Variants in CACNA1D observed in about 807,000 individuals in gnomAD.
CACNA1D encodes the protein voltage-dependent L-type calcium channel subunit alpha-1D.
In CACNA1D, 55 loss-of-function variants were observed where a neutral mutation model predicts 257.1. That is an observed-to-expected ratio of 0.21 (90% confidence interval 0.17 to 0.27). The LOEUF is 0.27. CACNA1D is among the 10% of genes least tolerant of loss of function. CACNA1D has a pLI of 1.00. For synonymous variants in CACNA1D, 980 were observed against 1,014.9 expected, an observed-to-expected ratio of 0.97 and a Z score of 0.65; for missense variants, 1,876 against 2,784.0, an observed-to-expected ratio of 0.67 and a Z score of 7.34.
chr3:53,746,916 T>C (rs1186474423), intron 25 of CACNA1D, among the ~76,000 whole-genome samples: 2 of 152,182 alleles, frequency 1.3e-5, no homozygotes, highest in East Asian at 3.8e-4. Flanking sequence ...AGGAAGAGTA[T>C]ACGTGGGTTC....
At chr3:53,571,658 A>G (rs2092946735) in intron 3 of CACNA1D, among the ~76,000 whole-genome samples, 2 of 152,202 alleles carry the variant, frequency 1.3e-5, no homozygotes, top group East Asian at 3.9e-4. Flanking sequence ...TGACAGCCAC[A>G]GTTCTCCATA....
At chr3:53,739,543 A>G (rs2095094049) in intron 20 of CACNA1D, among the ~76,000 whole-genome samples, 1 of 152,188 alleles carries the variant, frequency 6.6e-6, no homozygotes, top group Non-Finnish European at 1.5e-5. Context: ...ATTGTCACCA[A>G]TGAGGATAGA....
intron 40 of CACNA1D, chr3:53,791,171 C>A: frequency 1.6e-6 from 1 of 619,212 alleles, no homozygotes; most frequent in Non-Finnish European, 2.9e-6. Context: ...CCAAGCAAAG[C>A]ACTCCTCCGG....
chr3:53,504,511 A>T (rs1238567767), intron 3 of CACNA1D, among the ~76,000 whole-genome samples: 1 of 152,058 alleles, frequency 6.6e-6, no homozygotes, highest in African/African-American at 2.4e-5. Flanking sequence ...TTATTTTTTT[A>T]AAAATATAAA....
At chr3:53,734,580 A>T (rs773715336) in intron 19 of CACNA1D, among the ~76,000 whole-genome samples, 2 of 152,160 alleles carry the variant, frequency 1.3e-5, no homozygotes, top group East Asian at 3.9e-4. Context: ...CGCAGGGCAC[A>T]TTGAGGACAG....
In CACNA1D at chr3:53,800,499, C is replaced by T. The variant is rs1050832216; in HGVS notation, c.5040+134C>T. On this transcript the variant is annotated intron_variant, in intron 41 of 47. Coordinates refer to ENST00000350061, the MANE Select transcript of CACNA1D (RefSeq NM_001128840.3). The surrounding 1 kb of genome is among the most constrained non-coding windows in gnomAD (Gnocchi z 4.3). ...CCCAGGGCCTAGAGGGGCTTTCAGA[C>T]CACACCCTCCCCCTCTTACAGACCC... The T allele has an allele frequency of 6.6e-6, 5 of 762,568 alleles. No homozygotes were observed. The African/African-American group carries it at 8.5e-5, about 13-fold the overall frequency. The allele number at this position is 762,568 out of a possible 1,614,324, so 47.2% of individuals were successfully genotyped here. A position where few individuals can be genotyped will look rare whatever the true frequency, so the allele number is the denominator to read the frequency against.
Position 53,650,871 on chromosome 3 carries a change from T to C in CACNA1D, c.576T>C (p.Tyr192=), listed in dbSNP as rs765547601. 6.2e-6 allele frequency: 10 copies of C among 1,606,664 alleles called. No individual in the cohort carries two copies. The highest frequency in any genetic ancestry group is 2.2e-5 in the South Asian group (2 of 90,932). The change falls in exon 4 of 48, where the codon TAT becomes TAC. Residue 192 remains tyrosine, a synonymous_variant. Coordinates refer to ENST00000350061, the MANE Select transcript of CACNA1D (RefSeq NM_001128840.3). ...GATTATTGCTACATCCTAATGCTTA[T>C]GTTAGGAATGGATGGAATTTACTGG... ...AYGLLLHPNA[Y]VRNGWNLLDF...
intron 3 of CACNA1D, among the ~76,000 whole-genome samples, chr3:53,627,239 A>G (rs1332414920): frequency 6.6e-6 from 1 of 152,150 alleles, no homozygotes; most frequent in African/African-American, 2.4e-5. Flanking sequence ...TGGTTGCTAG[A>G]GTAACCTTGC....
At chr3:53,809,105 C>CT (rs1439255313) in intron 46 of CACNA1D, 4 of 322,796 alleles carry the variant, frequency 1.2e-5, no homozygotes, top group African/African-American at 8.4e-5. Context: ...GTGGGGGCCA[C>CT]TTGGCTGATT....
chr3:53,628,123 C>T (rs1011507691), intron 3 of CACNA1D, among the ~76,000 whole-genome samples: 2 of 152,136 alleles, frequency 1.3e-5, no homozygotes, highest in African/African-American at 2.4e-5. Context: ...AAGCAGTCAC[C>T]CAACTCTCCT....
intron 4 of CACNA1D, 60 bp downstream of exon 4, chr3:53,650,978 G>GC: frequency 6.9e-7 from 1 of 1,442,452 alleles, no homozygotes; most frequent in South Asian, 1.2e-5. Context: ...GAGGTTGGGG[G>GC]GGGTGGTGGT....
At chr3:53,634,464 A>G (rs1023268047) in intron 3 of CACNA1D, among the ~76,000 whole-genome samples, 1 of 152,022 alleles carries the variant, frequency 6.6e-6, no homozygotes. Flanking sequence ...TTTTGCTGGT[A>G]TTTTCTGAGT....
intron 9 of CACNA1D, among the ~76,000 whole-genome samples, chr3:53,717,351 G>A (rs924559564): frequency 6.6e-6 from 1 of 152,212 alleles, no homozygotes; most frequent in Admixed American, 6.5e-5. Context: ...CCAGGTGGGT[G>A]CAGTGCTGTG....
At chr3:53,576,743 C>T (rs1217789326) in intron 3 of CACNA1D, among the ~76,000 whole-genome samples, 3 of 152,176 alleles carry the variant, frequency 2.0e-5, no homozygotes, top group Admixed American at 6.5e-5. Context: ...TGGAACGTGG[C>T]GGGCAGTCTG....
At chr3:53,618,456 C>T (rs2093660550) in intron 3 of CACNA1D, among the ~76,000 whole-genome samples, 1 of 152,196 alleles carries the variant, frequency 6.6e-6, no homozygotes, top group South Asian at 2.1e-4. Flanking sequence ...ACAACAGCCA[C>T]CACAGCTCGC....
rs1352109358 is a variant in CACNA1D, at chr3:53,495,612, C to A, written c.67+379C>A. Among the ~76,000 whole-genome samples, 2 of 152,126 alleles carry A rather than the reference C, an allele frequency of 1.3e-5. No homozygotes were observed. Among genetic ancestry groups the A allele is most frequent in the African/African-American group, 4.8e-5 (2 of 41,436 alleles). On this transcript the variant is annotated intron_variant, in intron 1 of 47. Transcript: ENST00000350061. The surrounding 1 kb of genome is among the most constrained non-coding windows in gnomAD (Gnocchi z 5.1). ...GAGCCCCCTTGCCAGCCTCTTCTCG[C>A]CTTCCACTCCTCCCCCGCCCCCTCG...
Position 53,770,036 on chromosome 3 carries a change from C to T in CACNA1D, c.3915+19C>T, listed in dbSNP as rs763027779. The T allele has an allele frequency of 9.9e-5, 158 of 1,600,168 alleles. No homozygotes were observed. Among genetic ancestry groups the T allele is most frequent in the Non-Finnish European group, 5.0e-5 (58 of 1,167,316 alleles). On this transcript the variant is annotated intron_variant, in intron 31 of 47. Transcript: ENST00000350061. ...ACCTGGGGTAAGATCAGTGACTAGTCCCCAGGGGCTGGGCCTTTTCCTTAA... is the reference window on the plus strand; with the variant it reads ...ACCTGGGGTAAGATCAGTGACTAGTTCCCAGGGGCTGGGCCTTTTCCTTAA...
intron 3 of CACNA1D, among the ~76,000 whole-genome samples, chr3:53,650,538 T>C (rs2094079026): frequency 6.6e-6 from 1 of 152,236 alleles, no homozygotes; most frequent in South Asian, 2.1e-4. Flanking sequence ...CAAAATGCAG[T>C]CATGCAGCCT....
intron 37 of CACNA1D, among the ~76,000 whole-genome samples, 174 bp from the exon 38 acceptor site, chr3:53,779,852 A>G (rs2095416840): frequency 6.6e-6 from 1 of 152,184 alleles, no homozygotes; most frequent in Non-Finnish European, 1.5e-5. Context: ...CTCGTGGCCC[A>G]GTCAACTTGA....
Sources: allele counts gnomAD v4.1 joint callset (sites outside exome capture counted in the v4.1 genomes callset), GRCh38; gene constraint gnomAD v4.1.1; non-coding constraint Gnocchi (gnomAD v3.1); transcripts MANE v1.5; gene names NCBI Gene and HGNC (gene_info 2026-07-23, HGNC 2026-07-21).